The following TMEM117 variants were observed in gnomAD, a reference collection of about 807,000 sequenced individuals.
The protein encoded by TMEM117 is transmembrane protein 117.
In TMEM117, 27 loss-of-function variants were observed where a neutral mutation model predicts 52.4. That is an observed-to-expected ratio of 0.51 (90% CI 0.38 to 0.71). The LOEUF (loss-of-function observed/expected upper bound fraction) is 0.71, where lower values mean the gene tolerates loss of function less well. Among genes scored for constraint, TMEM117 ranks in the 30% least tolerant of loss-of-function variants. The pLI is 0.00. For synonymous variants in TMEM117, 215 were observed against 206.3 expected, an observed-to-expected ratio of 1.04 and a Z score of -0.36; for missense variants, 556 against 630.5, an observed-to-expected ratio of 0.88 and a Z score of 1.26.
chr12:43,921,646 T>C (rs148973457), intron 2 of TMEM117, among the ~76,000 whole-genome samples: 6 of 152,326 alleles, frequency 3.9e-5, no homozygotes, highest in African/African-American at 1.4e-4. Flanking sequence ...TATATTAAAT[T>C]TGTTATACAA....
At chr12:43,940,823 C>T (rs1446741923) in intron 2 of TMEM117, among the ~76,000 whole-genome samples, 1 of 152,194 alleles carries the variant, frequency 6.6e-6, no homozygotes. Context: ...GGATTACAGG[C>T]ATGAGCCACT....
chr12:43,934,644 G>A (rs1401962950), intron 2 of TMEM117, among the ~76,000 whole-genome samples: 1 of 151,684 alleles, frequency 6.6e-6, no homozygotes, highest in Non-Finnish European at 1.5e-5. Flanking sequence ...TGTAATCTTT[G>A]TTAGTATTAT....
chr12:43,952,134 G>C (rs1945234245), intron 3 of TMEM117, among the ~76,000 whole-genome samples: 1 of 152,086 alleles, frequency 6.6e-6, no homozygotes, highest in South Asian at 2.1e-4. Context: ...CCCATCCAAA[G>C]GTCATCAGCC....
chr12:44,179,069 C>T (rs1949154384), intron 4 of TMEM117, among the ~76,000 whole-genome samples: 2 of 152,014 alleles, frequency 1.3e-5, no homozygotes, highest in African/African-American at 4.8e-5. Context: ...TGGTGGGTGC[C>T]TGTAATCCCA....
chr12:43,866,326 A>G (rs1943598396), intron 2 of TMEM117, among the ~76,000 whole-genome samples: 1 of 151,670 alleles, frequency 6.6e-6, no homozygotes. Flanking sequence ...TGAAGGTAAA[A>G]TAAAGACACT....
At chr12:44,266,155 G>GA (rs952967162) in intron 5 of TMEM117, among the ~76,000 whole-genome samples, 2 of 152,002 alleles carry the variant, frequency 1.3e-5, no homozygotes, top group Non-Finnish European at 2.9e-5. Flanking sequence ...ATAACATTTT[G>GA]AAAAAACTCC....
chr12:43,970,139 G>GT (rs1331333709), intron 3 of TMEM117, among the ~76,000 whole-genome samples: 1 of 152,100 alleles, frequency 6.6e-6, no homozygotes, highest in Admixed American at 6.5e-5. Flanking sequence ...GCAGGTCTCG[G>GT]TTATCACCGT....
intron 6 of TMEM117, among the ~76,000 whole-genome samples, chr12:44,374,616 T>TTG (rs5742462): frequency 0.29 from 41,943 of 144,674 alleles, 6,523 homozygotes; most frequent in East Asian, 0.62. Context: ...AAGGAACTAT[T>TTG]TGTGTGTGTG....
chr12:44,248,707 G>A (rs1488863748), intron 5 of TMEM117: 2 of 166,326 alleles, frequency 1.2e-5, no homozygotes, highest in African/African-American at 2.4e-5. Flanking sequence ...CATCAGCACT[G>A]AATGATCCAG....
rs143444285 is a variant in TMEM117, at chr12:44,300,997, C to T, written c.768+1258C>T. On this transcript the variant is annotated intron_variant, in intron 6 of 7. Coordinates refer to ENST00000266534, the MANE Select transcript of TMEM117 (RefSeq NM_032256.3). Reference sequence around the variant, plus strand: ...ATATAAAGGCTATTTTTATCTTCCTCTATTTCCTAACTAATATAATTTCTC... The same window carrying T: ...ATATAAAGGCTATTTTTATCTTCCTTTATTTCCTAACTAATATAATTTCTC... Among the ~76,000 whole-genome samples, 209 of 152,280 alleles carry T rather than the reference C, an allele frequency of 1.4e-3. 4 individuals carry two copies. The East Asian group carries it at 0.033, about 24-fold the overall frequency.
Position 44,051,846 on chromosome 12 carries a change from A to T in TMEM117, c.411-91679A>T, listed in dbSNP as rs74084626. Among the ~76,000 whole-genome samples the T allele has an allele frequency of 9.0e-3, 1,365 of 152,306 alleles. 23 individuals carry two copies. Among genetic ancestry groups the T allele is most frequent in the African/African-American group, 0.031 (1,299 of 41,568 alleles). On this transcript the variant is annotated intron_variant, in intron 3 of 7. Transcript: ENST00000266534. ...TATAATAACAACTTCAAAAGGAATC[A>T]TATGGGCTTAACCATCATTATGCAA...
intron 3 of TMEM117, among the ~76,000 whole-genome samples, chr12:44,084,594 G>T (rs1947536113): frequency 4.6e-5 from 7 of 152,230 alleles, no homozygotes; most frequent in East Asian, 1.9e-4. Flanking sequence ...TATCAGAAAA[G>T]GTCACAATCT....
intron 2 of TMEM117, among the ~76,000 whole-genome samples, chr12:43,898,032 A>G (rs1592343975): frequency 7.2e-5 from 1 of 13,832 alleles, no homozygotes; most frequent in South Asian, 6.3e-3. Context: ...ACATGCGCAC[A>G]CACACACACA....
At chr12:43,906,473 A>AAT (rs1314657762) in intron 2 of TMEM117, among the ~76,000 whole-genome samples, 4 of 151,618 alleles carry the variant, frequency 2.6e-5, no homozygotes. Context: ...AAAAAAAAAA[A>AAT]AAGAAAGCGG....
At chr12:43,867,147 T>C (rs1479018596) in intron 2 of TMEM117, among the ~76,000 whole-genome samples, 1 of 152,128 alleles carries the variant, frequency 6.6e-6, no homozygotes, top group Admixed American at 6.5e-5. Flanking sequence ...TGTAATATTG[T>C]ATGTCATGAT....
intron 2 of TMEM117, among the ~76,000 whole-genome samples, chr12:43,931,712 C>T (rs894197679): frequency 3.3e-5 from 5 of 152,228 alleles, no homozygotes; most frequent in Admixed American, 2.0e-4. Context: ...TGAATTTTTA[C>T]TTTGAACTCA....
intron 2 of TMEM117, among the ~76,000 whole-genome samples, chr12:43,903,366 G>A (rs1243077494): frequency 6.6e-6 from 1 of 152,032 alleles, no homozygotes; most frequent in African/African-American, 2.4e-5. Context: ...GTCCAAGAGG[G>A]ACTTATTGAA....
chr12:44,319,667 A>G (rs1951105631), intron 6 of TMEM117, among the ~76,000 whole-genome samples: 1 of 152,222 alleles, frequency 6.6e-6, no homozygotes, highest in South Asian at 2.1e-4. Context: ...GCATTTTCTG[A>G]TGACGTAAAT....
At chr12:44,164,784 A>G (rs1481884943) in intron 4 of TMEM117, among the ~76,000 whole-genome samples, 2 of 152,160 alleles carry the variant, frequency 1.3e-5, no homozygotes, top group Non-Finnish European at 1.5e-5. Context: ...TGGATGGTAT[A>G]TTTTGTATTG....
Sources: gnomAD v4.1 joint callset for allele counts (sites outside exome capture counted in the v4.1 genomes callset) on GRCh38, gnomAD v4.1.1 for gene constraint, MANE v1.5 for transcripts, NCBI Gene and HGNC (gene_info 2026-07-23, HGNC 2026-07-21) for gene names.